The following ADGRA3 variants were observed in gnomAD, a reference collection of about 807,000 sequenced individuals.
ADGRA3 encodes adhesion G protein-coupled receptor A3.
ADGRA3 carries 56 observed loss-of-function variants against 119.8 expected under a neutral mutation model. The ratio of observed to expected loss-of-function variants is 0.47; its 90% CI spans 0.38 to 0.58. The LOEUF is 0.58. ADGRA3 is among the 20% of genes least tolerant of loss of function. The pLI, the probability that ADGRA3 is intolerant of heterozygous loss-of-function variation, is 0.00. For synonymous variants in ADGRA3, 607 were observed against 623.8 expected (o/e 0.97, Z 0.40); for missense variants, 1,516 against 1,649.0 (o/e 0.92, Z 1.40).
At chr4:22,482,728 A>G (rs936949238) in intron 1 of ADGRA3, among the ~76,000 whole-genome samples, 1 of 152,180 alleles carries the variant, frequency 6.6e-6, no homozygotes, top group African/African-American at 2.4e-5. Flanking sequence ...ATTACCAAAA[A>G]TTTGCAAGGC....
chr4:22,398,888 C>T (rs1714488571), intron 16 of ADGRA3, among the ~76,000 whole-genome samples: 1 of 152,142 alleles, frequency 6.6e-6, no homozygotes, highest in Non-Finnish European at 1.5e-5. Flanking sequence ...GGCAAGGTTA[C>T]TCTGAGTACA....
chr4:22,412,640 G>A (rs534057863), intron 14 of ADGRA3, among the ~76,000 whole-genome samples: 22 of 152,100 alleles, frequency 1.4e-4, no homozygotes, highest in African/African-American at 4.6e-4. Flanking sequence ...TGTTAACAAC[G>A]GCAAATAACA....
intron 1 of ADGRA3, chr4:22,515,299 A>G (rs372596755): frequency 5.0e-6 from 2 of 399,808 alleles, no homozygotes; most frequent in Non-Finnish European, 8.5e-6. Context: ...AGAACCCGAA[A>G]ACTTTACTTT....
At chr4:22,457,697 G>A (rs150350470) in intron 3 of ADGRA3, among the ~76,000 whole-genome samples, 1 of 152,340 alleles carries the variant, frequency 6.6e-6, no homozygotes, top group African/African-American at 2.4e-5. Flanking sequence ...TTGGATGGCA[G>A]TGCTTGAGAG....
chr4:22,398,533 T>TC (rs1714467692), intron 16 of ADGRA3, among the ~76,000 whole-genome samples: 1 of 152,184 alleles, frequency 6.6e-6, no homozygotes, highest in African/African-American at 2.4e-5. Flanking sequence ...CTCTGTATCA[T>TC]CACCCTACAA....
chr4:22,510,834 T>C (rs563402627), intron 1 of ADGRA3, among the ~76,000 whole-genome samples: 2 of 152,278 alleles, frequency 1.3e-5, no homozygotes, highest in East Asian at 3.9e-4. Context: ...ACTGAAACAG[T>C]CTCCAGCACA....
At position 22,455,774 on chromosome 4, in the gene ADGRA3, T is replaced by G. The variant is rs150038870; in HGVS notation, c.402-837A>C. 695 of 1,271,310 alleles carry G rather than the reference T, an allele frequency of 5.5e-4. 4 individuals carry two copies. In the African/African-American group the frequency reaches 9.7e-3, roughly 18 times the overall value. 78.8% of individuals were successfully genotyped at this position (1,271,310 alleles called of 1,614,324 possible). On this transcript the variant is annotated intron_variant, in intron 3 of 18. Transcript: ENST00000334304. ...CTGGTTTAAAAGTAAAAACTTTATG[T>G]TGGGAGATAACCACTGACAATATCT...
chr4:22,453,415 G>T (rs1270902069), intron 4 of ADGRA3, among the ~76,000 whole-genome samples: 1 of 151,944 alleles, frequency 6.6e-6, no homozygotes, highest in Non-Finnish European at 1.5e-5. Flanking sequence ...GAAAACAAAA[G>T]GACACACTGA....
At chr4:22,489,497 T>C (rs998421628) in intron 1 of ADGRA3, among the ~76,000 whole-genome samples, 1 of 152,130 alleles carries the variant, frequency 6.6e-6, no homozygotes, top group Non-Finnish European at 1.5e-5. Context: ...AAAAACATAA[T>C]GTATAAATAT....
At chr4:22,433,542 G>C (rs1716268141) in intron 10 of ADGRA3, among the ~76,000 whole-genome samples, 3 of 152,078 alleles carry the variant, frequency 2.0e-5, no homozygotes, top group Admixed American at 2.0e-4. Context: ...TTCCACCTAA[G>C]AACCCGTCAA....
chr4:22,490,765 G>A (rs1718594551), intron 1 of ADGRA3, among the ~76,000 whole-genome samples: 2 of 152,082 alleles, frequency 1.3e-5, no homozygotes, highest in Admixed American at 1.3e-4. Context: ...GACAAAGAAG[G>A]GGAAAATCAT....
intron 2 of ADGRA3, among the ~76,000 whole-genome samples, chr4:22,471,627 G>A (rs1053870261): frequency 6.6e-6 from 1 of 152,126 alleles, no homozygotes; most frequent in East Asian, 1.9e-4. Context: ...TGTGTACTTT[G>A]GATGTGCTGA....
intron 1 of ADGRA3, among the ~76,000 whole-genome samples, chr4:22,503,401 CTT>C (rs1319306602): frequency 1.3e-5 from 2 of 152,174 alleles, no homozygotes; most frequent in East Asian, 3.8e-4. Flanking sequence ...GCTTTTAAGT[CTT>C]ATCTTGATGG....
chr4:22,441,368 A>G (rs969785682), intron 7 of ADGRA3, among the ~76,000 whole-genome samples: 4 of 152,200 alleles, frequency 2.6e-5, no homozygotes, highest in African/African-American at 9.6e-5. Context: ...AACAAAAGTT[A>G]GCTCACTTTA....
At chr4:22,401,771 T>G (rs539412917) in intron 15 of ADGRA3, among the ~76,000 whole-genome samples, 1 of 152,222 alleles carries the variant, frequency 6.6e-6, no homozygotes, top group Non-Finnish European at 1.5e-5. Context: ...TTTAACTTTA[T>G]GCACTTAAAA....
intron 2 of ADGRA3, among the ~76,000 whole-genome samples, chr4:22,471,143 C>T (rs567400759): frequency 4.6e-5 from 7 of 152,240 alleles, no homozygotes; most frequent in African/African-American, 1.7e-4. Flanking sequence ...CCGAGTGTCT[C>T]CCTCCCAGGG....
chr4:22,449,186 C>A (rs2109083306), intron 4 of ADGRA3, among the ~76,000 whole-genome samples: 1 of 151,842 alleles, frequency 6.6e-6, no homozygotes, highest in East Asian at 2.0e-4. Flanking sequence ...ACGAGAATGA[C>A]TTGAACCCGG....
At chr4:22,417,448 T>TA (rs1382669222) in intron 12 of ADGRA3, among the ~76,000 whole-genome samples, 1 of 152,138 alleles carries the variant, frequency 6.6e-6, no homozygotes, top group African/African-American at 2.4e-5. Context: ...CTGTGGTGAA[T>TA]GTCTACATAT....
At chr4:22,423,083 C>T (rs147758125) in intron 11 of ADGRA3, among the ~76,000 whole-genome samples, 1,648 of 152,086 alleles carry the variant, frequency 0.011, 12 homozygotes, top group Non-Finnish European at 0.018. Flanking sequence ...ATAATCCCAG[C>T]TACTTAGGAG....
Sources: allele counts gnomAD v4.1 joint callset (sites outside exome capture counted in the v4.1 genomes callset), GRCh38; gene constraint gnomAD v4.1.1; transcripts MANE v1.5; gene names NCBI Gene and HGNC (gene_info 2026-07-23, HGNC 2026-07-21).